SDK2: variants seen among roughly 807,000 people sequenced by gnomAD.
SDK2 encodes the protein sidekick cell adhesion molecule 2.
SDK2 carries 105 observed loss-of-function variants against 253.9 expected under a neutral mutation model. That is an observed-to-expected ratio of 0.41 (90% CI 0.35 to 0.49). The LOEUF is 0.49. Among genes scored for constraint, SDK2 ranks in the 20% least tolerant of loss-of-function variants. The pLI is 0.06. For synonymous variants in SDK2, 1,249 were observed against 1,234.9 expected, an observed-to-expected ratio of 1.01 and a Z score of -0.24; for missense variants, 2,608 against 3,003.0, an observed-to-expected ratio of 0.87 and a Z score of 3.07.
At position 73,422,356 on chromosome 17, in the gene SDK2, C is replaced by A; in HGVS notation, c.1976G>T (p.Arg659Leu). ...GGCACAAAGACGGAACTGGTAGGAG[C>A]GTGCAGGAACCAGGCCCTTGACTGT... ...SVTVKGLVPA[R>L]SYQFRLCAVN... The change falls in exon 15 of 45, where the codon CGC becomes CTC. Residue 659 changes from arginine to leucine, a missense_variant. Transcript: ENST00000392650. 5.0e-6 allele frequency: 8 copies of A among 1,613,964 alleles called. No individual in the cohort carries two copies. The highest frequency in any genetic ancestry group is 6.8e-6 in the Non-Finnish European group (8 of 1,179,898).
intron 15 of SDK2, 136 bp from the exon 16 acceptor site, chr17:73,419,442 C>T (rs2063210029): frequency 1.1e-6 from 1 of 899,920 alleles, no homozygotes; most frequent in Non-Finnish European, 1.7e-6. Context: ...GGGCAAGTTA[C>T]CTGACTTCTC....
intron 1 of SDK2, among the ~76,000 whole-genome samples, chr17:73,569,018 C>G (rs1221053150): frequency 1.3e-5 from 2 of 152,034 alleles, no homozygotes; most frequent in Non-Finnish European, 1.5e-5. Context: ...CTCATAGTAA[C>G]CACAAGAACC....
chr17:73,578,737 G>T (rs1454336851), intron 1 of SDK2, among the ~76,000 whole-genome samples: 1 of 152,140 alleles, frequency 6.6e-6, no homozygotes, highest in Admixed American at 6.5e-5. Flanking sequence ...GGCTGAGTTA[G>T]CTGGAGCACC....
chr17:73,351,037 A>C (rs2062533368), intron 41 of SDK2, among the ~76,000 whole-genome samples: 1 of 151,756 alleles, frequency 6.6e-6, no homozygotes, highest in South Asian at 2.1e-4. Context: ...AATAGGAAAG[A>C]GTGCTAAGAT....
intron 2 of SDK2, among the ~76,000 whole-genome samples, chr17:73,497,230 GAC>G (rs1375999027): frequency 6.6e-6 from 1 of 152,160 alleles, no homozygotes; most frequent in Non-Finnish European, 1.5e-5. Context: ...AGCAGCGGTT[GAC>G]ACAGTTGGTC....
chr17:73,426,070 A>C (rs555502005), intron 12 of SDK2, among the ~76,000 whole-genome samples: 3 of 151,548 alleles, frequency 2.0e-5, no homozygotes, highest in African/African-American at 7.3e-5. Flanking sequence ...TTTGAGACAG[A>C]ATCTCACTCT....
chr17:73,480,926 G>C (rs1230237006), intron 2 of SDK2, among the ~76,000 whole-genome samples: 5 of 152,210 alleles, frequency 3.3e-5, no homozygotes, highest in African/African-American at 1.2e-4. Context: ...ATTTTAAGCA[G>C]TTTCTGTCCT....
At chr17:73,579,456 T>G (rs772512305) in intron 1 of SDK2, among the ~76,000 whole-genome samples, 2 of 152,102 alleles carry the variant, frequency 1.3e-5, no homozygotes, top group African/African-American at 2.4e-5. Context: ...GTGCTCCCCC[T>G]CCCTGAAGAG....
At chr17:73,498,424 T>G (rs2063860700) in intron 2 of SDK2, among the ~76,000 whole-genome samples, 1 of 152,174 alleles carries the variant, frequency 6.6e-6, no homozygotes. Flanking sequence ...AGAACAAACA[T>G]TTCCAAAGGT....
intron 1 of SDK2, among the ~76,000 whole-genome samples, chr17:73,622,376 G>T (rs550276239): frequency 6.6e-6 from 1 of 152,212 alleles, no homozygotes; most frequent in Non-Finnish European, 1.5e-5. Context: ...CCGATGCAGA[G>T]GTCTCTCCTC....
chr17:73,391,611 G>C (rs2145498965), intron 27 of SDK2, 73 bp from the exon 28 acceptor site: 1 of 780,722 alleles, frequency 1.3e-6, no homozygotes, highest in South Asian at 6.6e-5. Context: ...AGCTCGGGCA[G>C]AGCAGCCTGG....
In SDK2 at chr17:73,379,214, G is replaced by A. The variant is rs568407397; in HGVS notation, c.4943C>T (p.Pro1648Leu). ...TQLDVTWEPP[P>L]LDSQNGDIQG... ...GATGTCTCCATTCTGGCTGTCCAGC[G>A]GAGGTGGCTCCCAAGTCACGTCCAG... Residue 1648 changes from proline (P) to leucine (L), a missense_variant, in exon 36 of 45, where the codon CCG becomes CTG. Physicochemically the swap from Pro to Leu is moderately conservative, Grantham distance 98. Around this residue, in one of 2 missense-constraint regions of SDK2, gnomAD observed 1,103 missense variants for 1,143.9 expected, o/e 0.96. Coordinates refer to ENST00000392650, the MANE Select transcript of SDK2 (RefSeq NM_001144952.2). The surrounding 1 kb of genome is among the most constrained non-coding windows in gnomAD (Gnocchi z 4.5). The A allele has an allele frequency of 7.7e-6, 12 of 1,559,268 alleles. No individual in the cohort carries two copies. Among genetic ancestry groups the A allele is most frequent in the South Asian group, 5.9e-5 (5 of 84,480 alleles).
chr17:73,378,488 C>T (rs929874099), intron 36 of SDK2, among the ~76,000 whole-genome samples: 2 of 151,780 alleles, frequency 1.3e-5, no homozygotes, highest in African/African-American at 2.4e-5. Context: ...GGTACAATCT[C>T]GGCTCACTGC....
At position 73,352,615 on chromosome 17, in the gene SDK2, G is replaced by A. The variant is rs139282907; in HGVS notation, c.5616C>T (p.Leu1872=). The part of the protein sequence containing the change: ...RPSDEGLWDI[L]IKDIPKEVSS... ...TCACCTCCTTGGGGATGTCTTTGAT[G>A]AGGATGTCCCATAGTCCCTCGTCTG... The change falls in exon 41 of 45, where the codon CTC becomes CTT. Residue 1872 remains leucine (L), a synonymous_variant. Coordinates refer to ENST00000392650, the MANE Select transcript of SDK2 (RefSeq NM_001144952.2). The surrounding 1 kb of genome is among the most constrained non-coding windows in gnomAD (Gnocchi z 4.1). 218 of 1,613,886 alleles carry A rather than the reference G, an allele frequency of 1.4e-4. No individual in the cohort carries two copies. Among genetic ancestry groups the A allele is most frequent in the Non-Finnish European group, 1.7e-4 (205 of 1,179,884 alleles).
intron 1 of SDK2, among the ~76,000 whole-genome samples, chr17:73,548,384 C>T (rs940890676): frequency 8.5e-5 from 13 of 152,222 alleles, no homozygotes; most frequent in African/African-American, 3.1e-4. Context: ...CCCTATCCCC[C>T]CTGCCCCCGA....
intron 36 of SDK2, among the ~76,000 whole-genome samples, chr17:73,370,502 C>T (rs1321784490): frequency 1.3e-5 from 2 of 152,008 alleles, no homozygotes; most frequent in East Asian, 3.9e-4. Context: ...CTTGGCTTCC[C>T]AAAGTGCTGA....
chr17:73,503,388 A>G (rs2063905469), intron 2 of SDK2, among the ~76,000 whole-genome samples: 1 of 152,152 alleles, frequency 6.6e-6, no homozygotes, highest in Admixed American at 6.5e-5. Context: ...CTTAGGAAAT[A>G]TTATTTATGA....
In SDK2 at chr17:73,618,379, T is replaced by C. The variant is rs1293283517; in HGVS notation, c.64+25646A>G. On this transcript the variant is annotated intron_variant, in intron 1 of 44. Transcript: ENST00000392650. This position sits in a 1 kb window ranked among gnomAD's most constrained non-coding sequence, Gnocchi z 4.1. The stretch of plus-strand genomic sequence containing the variant: ...GTGCCTGTGGATTCATTTATAGTCG[T>C]CAAAACAAGATTCTCCAGGGAGGCA... Among the ~76,000 whole-genome samples the C allele has an allele frequency of 1.3e-5, 2 of 152,146 alleles. No individual in the cohort carries two copies. The highest frequency in any genetic ancestry group is 2.9e-5 in the Non-Finnish European group (2 of 68,030).
At chr17:73,346,935 C>A (rs1451144869) in intron 44 of SDK2, among the ~76,000 whole-genome samples, 1 of 152,218 alleles carries the variant, frequency 6.6e-6, no homozygotes, top group East Asian at 1.9e-4. Context: ...GGAGAACTAC[C>A]AGTGGCATCC....
Sources: allele counts gnomAD v4.1 joint callset (sites outside exome capture counted in the v4.1 genomes callset), GRCh38; gene constraint gnomAD v4.1.1; regional missense constraint gnomAD v4.1.1; non-coding constraint Gnocchi (gnomAD v3.1); transcripts MANE v1.5; gene names NCBI Gene and HGNC (gene_info 2026-07-23, HGNC 2026-07-21).